The following SKAP2 variants were observed in gnomAD, a reference collection of about 807,000 sequenced individuals.
SKAP2 encodes src kinase-associated phosphoprotein 2.
Under a neutral mutation model 54.9 loss-of-function variants are expected in SKAP2, and 28 were observed. That is an observed-to-expected ratio of 0.51 (90% confidence interval 0.38 to 0.70). The LOEUF is 0.70. Among genes scored for constraint, SKAP2 ranks in the 30% least tolerant of loss-of-function variants. SKAP2 has a pLI of 0.00. For missense variants in SKAP2, 356 were observed against 424.1 expected (o/e 0.84, Z 1.41); for synonymous variants, 137 against 134.3 (o/e 1.02, Z -0.14).
At chr7:26,791,035 A>G (rs529825436) in intron 4 of SKAP2, among the ~76,000 whole-genome samples, 53 of 147,110 alleles carry the variant, frequency 3.6e-4, no homozygotes, top group African/African-American at 1.0e-3. Context: ...GAGATTGTAA[A>G]ACTTGTTTTA....
chr7:26,844,409 G>A (rs1784883683), intron 3 of SKAP2, among the ~76,000 whole-genome samples: 1 of 151,998 alleles, frequency 6.6e-6, no homozygotes, highest in Non-Finnish European at 1.5e-5. Context: ...CCAAAATTAT[G>A]ATGATCTCTA....
chr7:26,714,894 T>C (rs1787397678), intron 9 of SKAP2, among the ~76,000 whole-genome samples: 1 of 152,192 alleles, frequency 6.6e-6, no homozygotes, highest in Non-Finnish European at 1.5e-5. Flanking sequence ...TTATATTCTA[T>C]ATGGGAGACA....
chr7:26,812,807 G>A (rs1562620426), intron 4 of SKAP2, among the ~76,000 whole-genome samples: 1 of 151,426 alleles, frequency 6.6e-6, no homozygotes, highest in Non-Finnish European at 1.5e-5. Context: ...TACAGTTTCA[G>A]TGAGAAAAGC....
the SKAP2 span, among the ~76,000 whole-genome samples, chr7:26,655,508 A>T: frequency 6.6e-6 from 1 of 152,228 alleles, no homozygotes; most frequent in Admixed American, 6.5e-5. Context: ...TAATTTGTAG[A>T]TAACTGAGGT....
chr7:26,832,758 T>C (rs1270271392), intron 4 of SKAP2, among the ~76,000 whole-genome samples: 1 of 152,152 alleles, frequency 6.6e-6, no homozygotes, highest in East Asian at 1.9e-4. Flanking sequence ...CAGATGAGAC[T>C]GGAGTAATGA....
At chr7:26,740,950 T>C (rs1562593633) in intron 4 of SKAP2, among the ~76,000 whole-genome samples, 1 of 151,748 alleles carries the variant, frequency 6.6e-6, no homozygotes, top group East Asian at 1.9e-4. Context: ...ATCACGCCAT[T>C]GCAATCCAGC....
intron 4 of SKAP2, among the ~76,000 whole-genome samples, chr7:26,793,892 C>G (rs1783717436): frequency 1.3e-5 from 2 of 152,192 alleles, no homozygotes; most frequent in African/African-American, 2.4e-5. Flanking sequence ...GCTTAAAATA[C>G]AATTAATTAG....
In SKAP2 at chr7:26,815,166, A is replaced by T. The variant is rs1342049959; in HGVS notation, c.307+28864T>A. 4.6e-5 allele frequency among the ~76,000 whole-genome samples: 7 copies of T among 152,096 alleles called. 1 individual carries two copies. The highest frequency in any genetic ancestry group is 4.6e-4 in the Admixed American group (7 of 15,246). ...TATTAGAAGTTTATCTGTGCCACTA[A>T]TAGGGACTTCTAAACATTCGTGACT... On this transcript the variant is annotated intron_variant, in intron 4 of 12. Coordinates refer to ENST00000345317, the MANE Select transcript of SKAP2 (RefSeq NM_003930.5).
intron 4 of SKAP2, among the ~76,000 whole-genome samples, chr7:26,755,141 CAA>C (rs1230889259): frequency 6.6e-6 from 1 of 152,084 alleles, no homozygotes; most frequent in Admixed American, 6.5e-5. Flanking sequence ...ATATTGATAA[CAA>C]GTTATCAATT....
At chr7:26,722,810 CT>C (rs1787607169) in intron 9 of SKAP2, among the ~76,000 whole-genome samples, 2 of 152,296 alleles carry the variant, frequency 1.3e-5, no homozygotes, top group Non-Finnish European at 2.9e-5. Flanking sequence ...AGAGTAAGAG[CT>C]TTCGTTTCTC....
At chr7:26,693,016 G>C (rs1056277052) in intron 9 of SKAP2, among the ~76,000 whole-genome samples, 14 of 152,258 alleles carry the variant, frequency 9.2e-5, no homozygotes, top group African/African-American at 3.4e-4. Flanking sequence ...AATACAATAA[G>C]TATTATTAGT....
chr7:26,705,395 G>T (rs1021854923), intron 9 of SKAP2, among the ~76,000 whole-genome samples: 3 of 152,072 alleles, frequency 2.0e-5, no homozygotes, highest in Admixed American at 1.3e-4. Flanking sequence ...AATGTTTATT[G>T]TCCTTGCTTA....
chr7:26,677,394 T>TAAAAAA (rs1322136047), intron 11 of SKAP2, among the ~76,000 whole-genome samples: 8 of 72,948 alleles, frequency 1.1e-4, no homozygotes, highest in African/African-American at 2.2e-4. Flanking sequence ...TCTGTCTCAA[T>TAAAAAA]AAAAAAAAAA....
At chr7:26,836,566 C>A (rs986553364) in intron 4 of SKAP2, among the ~76,000 whole-genome samples, 1 of 152,064 alleles carries the variant, frequency 6.6e-6, no homozygotes, top group Non-Finnish European at 1.5e-5. Flanking sequence ...GACATTTATG[C>A]GGCCAAAAAC....
rs1785336526 is a variant in SKAP2, at chr7:26,864,573, G to A, written c.-144C>T. The A allele has an allele frequency of 4.2e-6, 6 of 1,420,306 alleles. No homozygotes were observed. Among genetic ancestry groups the A allele is most frequent in the African/African-American group, 1.5e-5 (1 of 68,210 alleles). 88.0% of individuals were successfully genotyped at this position (1,420,306 alleles called of 1,614,324 possible). A position where few individuals can be genotyped will look rare whatever the true frequency, so the allele number is the denominator to read the frequency against. On this transcript the variant is annotated 5_prime_UTR_variant, in exon 1 of 13. Transcript: ENST00000345317. ...CGAGTCGGGACACTGCCGGGCCGGG[G>A]CTCACAACAAGGAAGTCACTGAATC...
intron 4 of SKAP2, among the ~76,000 whole-genome samples, chr7:26,743,766 A>G (rs1301306878): frequency 6.6e-6 from 1 of 152,232 alleles, no homozygotes. Context: ...GTCTTCTTCC[A>G]GCATGCAATT....
At chr7:26,732,366 C>T (rs1189002971) in intron 6 of SKAP2, among the ~76,000 whole-genome samples, 1 of 152,202 alleles carries the variant, frequency 6.6e-6, no homozygotes, top group Non-Finnish European at 1.5e-5. Context: ...ATCCAGCCCC[C>T]TTACCTACCT....
At chr7:26,773,443 T>A (rs1267125566) in intron 4 of SKAP2, among the ~76,000 whole-genome samples, 2 of 152,248 alleles carry the variant, frequency 1.3e-5, no homozygotes, top group Non-Finnish European at 2.9e-5. Context: ...TCATTCTGCA[T>A]CTTCCAGCTA....
chr7:26,724,229 A>C (rs1029675344), intron 9 of SKAP2, among the ~76,000 whole-genome samples: 1 of 152,190 alleles, frequency 6.6e-6, no homozygotes, highest in Non-Finnish European at 1.5e-5. Context: ...GTACCACCAC[A>C]TAAGCACTTG....
Sources: allele counts gnomAD v4.1 joint callset (sites outside exome capture counted in the v4.1 genomes callset), GRCh38; gene constraint gnomAD v4.1.1; transcripts MANE v1.5; gene names NCBI Gene and HGNC (gene_info 2026-07-23, HGNC 2026-07-21).